POLR3B: variants seen among roughly 807,000 people sequenced by gnomAD.
POLR3B encodes the protein RNA polymerase III subunit B, also known as DNA-directed RNA polymerase III subunit RPC2.
A neutral mutation model predicts 147.4 loss-of-function variants in POLR3B; 96 were observed. The ratio of observed to expected loss-of-function variants is 0.65; its 90% CI spans 0.55 to 0.77. POLR3B has a LOEUF of 0.77. Ranked by LOEUF, POLR3B falls within the 30% of genes least tolerant of loss-of-function variation. The pLI is 0.00. For synonymous variants in POLR3B, 461 were observed against 485.9 expected, an observed-to-expected ratio of 0.95 and a Z score of 0.67; for missense variants, 1,036 against 1,413.5, an observed-to-expected ratio of 0.73 and a Z score of 4.28.
chr12:106,409,535 A>G (rs983476759), intron 11 of POLR3B, among the ~76,000 whole-genome samples: 5 of 151,760 alleles, frequency 3.3e-5, no homozygotes, highest in Admixed American at 3.3e-4. Context: ...TAGAGAGTAA[A>G]TTGACCTAGA....
intron 22 of POLR3B, 52 bp downstream of exon 22, chr12:106,459,420 G>A: frequency 1.0e-6 from 1 of 989,930 alleles, no homozygotes. Flanking sequence ...AAAAAGAGAA[G>A]AAATGGGAGA....
chr12:106,368,101 G>A (rs1474058521), intron 4 of POLR3B, among the ~76,000 whole-genome samples: 2 of 151,906 alleles, frequency 1.3e-5, no homozygotes, highest in African/African-American at 4.8e-5. Context: ...TGTTCAGACT[G>A]TTTCAGCTTT....
At chr12:106,414,333 G>T (rs1369260089) in intron 12 of POLR3B, among the ~76,000 whole-genome samples, 1 of 151,556 alleles carries the variant, frequency 6.6e-6, no homozygotes, top group Non-Finnish European at 1.5e-5. Context: ...AGATAGATTG[G>T]TTCCTTGTGA....
intron 13 of POLR3B, among the ~76,000 whole-genome samples, chr12:106,428,639 A>G (rs574265506): frequency 1.3e-5 from 2 of 152,280 alleles, no homozygotes; most frequent in South Asian, 2.1e-4. Context: ...TGTGCTGAAT[A>G]CTTATTTACC....
In POLR3B at chr12:106,363,892, C is replaced by A. The variant is rs1257166388; in HGVS notation, c.95C>A (p.Ala32Glu). Residue 32 changes from alanine (A) to glutamate (E), a missense_variant, in exon 2 of 28, where the codon GCA becomes GAA. This residue lies in a region of POLR3B where 150 missense variants were observed against 145.5 expected (regional missense o/e 1.03). Transcript: ENST00000228347. ...CAGGAAAAATGGAGGCTGCTTCCAG[C>A]ATTTTTAAAGGTAATTGTTTCACAT... ...TVEEKWRLLP[A>E]FLKVKGLVKQ... is the part of the protein sequence containing the mutation. 1 of 1,607,374 alleles carries A rather than the reference C, an allele frequency of 6.2e-7. No individual in the cohort carries two copies. The highest frequency in any genetic ancestry group is 1.7e-5 in the Admixed American group (1 of 59,974).
In POLR3B at chr12:106,496,839, G is replaced by C; in HGVS notation, c.2905G>C (p.Val969Leu). The C allele has an allele frequency of 6.2e-7, 1 of 1,614,184 alleles. No homozygotes were observed. Among genetic ancestry groups the C allele is most frequent in the Non-Finnish European group, 8.5e-7 (1 of 1,180,028 alleles). Residue 969 changes from valine (V) to leucine (L), a missense_variant, in exon 25 of 28, where the codon GTG becomes CTG. Physicochemically the swap from Val to Leu is conservative, Grantham distance 32. Coordinates refer to ENST00000228347, the MANE Select transcript of POLR3B (RefSeq NM_018082.6). ...HYGTAFGGSK[V>L]KDVCEDLVRH... The stretch of plus-strand genomic sequence containing the variant: ...CGGCACTGCGTTTGGAGGCAGTAAA[G>C]TGAAGGATGTGTGTGAGGACCTCGT...
chr12:106,405,779 A>G, intron 10 of POLR3B, 78 bp from the exon 11 acceptor site: 1 of 1,390,744 alleles, frequency 7.2e-7, no homozygotes, highest in East Asian at 2.3e-5. Context: ...TTTCGCTCAT[A>G]CTGTACATGT....
At chr12:106,366,344 A>G (rs1248641141) in intron 2 of POLR3B, among the ~76,000 whole-genome samples, 172 bp from the exon 3 acceptor site, 1 of 152,246 alleles carries the variant, frequency 6.6e-6, no homozygotes, top group African/African-American at 2.4e-5. Flanking sequence ...GAATGCATTA[A>G]TGAAAAGATT....
chr12:106,363,148 AG>A (rs1263418201), intron 1 of POLR3B, among the ~76,000 whole-genome samples: 2 of 152,142 alleles, frequency 1.3e-5, no homozygotes, highest in Non-Finnish European at 2.9e-5. Flanking sequence ...TACATTCCAT[AG>A]GTGATCTCAT....
At chr12:106,498,582 G>GTTTTTTTT (rs564316643) in intron 25 of POLR3B, among the ~76,000 whole-genome samples, 4 of 147,718 alleles carry the variant, frequency 2.7e-5, no homozygotes, top group Non-Finnish European at 6.0e-5. Flanking sequence ...TTTGGGGTTT[G>GTTTTTTTT]TTTTTTTTGT....
chr12:106,509,118 A>G (rs530167877), intron 27 of POLR3B, among the ~76,000 whole-genome samples: 6 of 152,336 alleles, frequency 3.9e-5, no homozygotes, highest in African/African-American at 1.4e-4. Flanking sequence ...AAAACAGTAT[A>G]TTGGCAAATG....
intron 23 of POLR3B, among the ~76,000 whole-genome samples, chr12:106,477,677 C>G (rs1390427468): frequency 1.3e-5 from 2 of 152,202 alleles, no homozygotes; most frequent in Admixed American, 1.3e-4. Context: ...AACTCCCTGA[C>G]CCCTTGTGCT....
chr12:106,455,043 G>C (rs926874739), intron 20 of POLR3B, among the ~76,000 whole-genome samples: 1 of 152,172 alleles, frequency 6.6e-6, no homozygotes, highest in Non-Finnish European at 1.5e-5. Flanking sequence ...TGTTTTCACT[G>C]TGTCTAGTGA....
At chr12:106,358,654 G>A (rs143194599) in intron 1 of POLR3B, among the ~76,000 whole-genome samples, 154 of 152,248 alleles carry the variant, frequency 1.0e-3, no homozygotes, top group African/African-American at 3.5e-3. Context: ...AGACGTGGCC[G>A]GAGAAGATAG....
chr12:106,406,688 C>T (rs1230764770), intron 11 of POLR3B, among the ~76,000 whole-genome samples: 2 of 152,094 alleles, frequency 1.3e-5, no homozygotes, highest in East Asian at 3.8e-4. Flanking sequence ...ATCTTCTGGC[C>T]TTGAACTAGT....
At position 106,457,185 on chromosome 12, in the gene POLR3B, C is replaced by T. The variant is rs1196068960; in HGVS notation, c.2341C>T (p.Arg781Ter). 3.1e-6 allele frequency: 5 copies of T among 1,612,702 alleles called. No individual in the cohort carries two copies. In the East Asian group the frequency reaches 6.7e-5, roughly 22 times the overall value. The change falls in exon 21 of 28, where the codon CGA becomes TGA. Residue 781 changes from arginine (R) to a stop codon, truncating the protein, a stop_gained. Transcript: ENST00000228347. LOFTEE classifies it high-confidence loss of function. ...TAAAAATGCTAAATGTACGTTGAAA[C>T]GATACACCAATCAGACTTTTGATAA... ...VYKNAKCTLKRYTNQTFDKVM... is the reference protein window; with the variant it reads ...VYKNAKCTLK
At chr12:106,387,264 A>G (rs555178905) in intron 9 of POLR3B, among the ~76,000 whole-genome samples, 2 of 152,282 alleles carry the variant, frequency 1.3e-5, no homozygotes, top group East Asian at 1.9e-4. Context: ...AATCTGCATC[A>G]TTATTTTTAG....
Position 106,509,449 on chromosome 12 carries a change from T to G in POLR3B, c.3302T>G (p.Val1101Gly). The change falls in exon 28 of 28, where the codon GTG becomes GGG. Residue 1101 changes from valine to glycine, a missense_variant. Around this residue, in one of 12 missense-constraint regions of POLR3B, gnomAD observed 69 missense variants for 89.8 expected, o/e 0.77. Transcript: ENST00000228347. ...CATTACTGCAAGTCATCCTGCCACG[T>G]GTCTTCCCTCCGTATTCCGTATGCC... Reference protein sequence around the residue: ...WCHYCKSSCHVSSLRIPYACK... With the variant: ...WCHYCKSSCHGSSLRIPYACK... 1 of 1,613,970 alleles carries G rather than the reference T, an allele frequency of 6.2e-7. No individual in the cohort carries two copies. Among genetic ancestry groups the G allele is most frequent in the Non-Finnish European group, 8.5e-7 (1 of 1,179,864 alleles).
chr12:106,362,140 G>T (rs2036479485), intron 1 of POLR3B, among the ~76,000 whole-genome samples: 1 of 152,130 alleles, frequency 6.6e-6, no homozygotes, highest in South Asian at 2.1e-4. Flanking sequence ...GGGAGGATTT[G>T]AATACTCGTT....
Sources: allele counts gnomAD v4.1 joint callset (sites outside exome capture counted in the v4.1 genomes callset), GRCh38; gene constraint gnomAD v4.1.1; regional missense constraint gnomAD v4.1.1; transcripts MANE v1.5; gene names NCBI Gene and HGNC (gene_info 2026-07-23, HGNC 2026-07-21).